ZEB1: variants seen among roughly 807,000 people sequenced by gnomAD.
The protein encoded by ZEB1 is zinc finger E-box binding homeobox 1.
ZEB1 carries 21 observed loss-of-function variants against 84.9 expected under a neutral mutation model. That is an observed-to-expected ratio of 0.25 (90% CI 0.18 to 0.36). The LOEUF (loss-of-function observed/expected upper bound fraction) is 0.36. ZEB1 is among the 10% of genes least tolerant of loss of function. The probability of loss-of-function intolerance (pLI) is 1.00; values close to 1 mark genes in which losing one functional copy is unlikely to be tolerated. For synonymous variants in ZEB1, 420 were observed against 471.1 expected, an observed-to-expected ratio of 0.89 and a Z score of 1.41; for missense variants, 1,104 against 1,330.2, an observed-to-expected ratio of 0.83 and a Z score of 2.65.
At chr10:31,349,011 A>G (rs1394105554) in intron 1 of ZEB1, among the ~76,000 whole-genome samples, 1 of 152,102 alleles carries the variant, frequency 6.6e-6, no homozygotes, top group African/African-American at 2.4e-5. Context: ...TTTACCATGG[A>G]TCTCTTGAAT....
chr10:31,354,463 T>C (rs1164473631), intron 1 of ZEB1, among the ~76,000 whole-genome samples: 1 of 152,176 alleles, frequency 6.6e-6, no homozygotes, highest in Non-Finnish European at 1.5e-5. Context: ...AAAACACTTT[T>C]CTTGGGGGAG....
chr10:31,404,235 CTT>C (rs949114754), intron 1 of ZEB1, among the ~76,000 whole-genome samples: 2 of 149,144 alleles, frequency 1.3e-5, no homozygotes, highest in Non-Finnish European at 3.0e-5. Context: ...TTTTTTAACT[CTT>C]AAAGTCTGTG....
chr10:31,443,946 T>A lies in ZEB1; in HGVS notation c.59-17091T>A, dbSNP rs1376836612. ...TATACCCAGTAATGGGATGGCTGGG[T>A]CAAATGGTATTTCTAGTTCTAGATC... On this transcript the variant is annotated intron_variant, in intron 1 of 8. Transcript: ENST00000424869. Among the ~76,000 whole-genome samples, 63 of 149,804 alleles carry A rather than the reference T, an allele frequency of 4.2e-4. No homozygotes were observed. The East Asian group carries it at 0.012, about 28-fold the overall frequency.
intron 1 of ZEB1, among the ~76,000 whole-genome samples, chr10:31,436,862 C>T (rs926314518): frequency 6.6e-6 from 1 of 151,954 alleles, no homozygotes; most frequent in Non-Finnish European, 1.5e-5. Context: ...CAAGAATGTC[C>T]ACTTCTTTCA....
upstream of ZEB1, chr10:31,319,130 C>A: frequency 1.3e-6 from 1 of 768,254 alleles, no homozygotes; most frequent in Non-Finnish European, 2.2e-6. Flanking sequence ...GTGTCGTAAA[C>A]CAGGTGCGGT....
chr10:31,525,717 C>A (rs1260330349), intron 8 of ZEB1, among the ~76,000 whole-genome samples: 1 of 152,106 alleles, frequency 6.6e-6, no homozygotes, highest in Non-Finnish European at 1.5e-5. Context: ...CTTCTTCAAT[C>A]TGTGGATTCA....
chr10:31,380,070 A>G (rs2047362354), intron 1 of ZEB1, among the ~76,000 whole-genome samples: 1 of 152,158 alleles, frequency 6.6e-6, no homozygotes, highest in Non-Finnish European at 1.5e-5. Flanking sequence ...TTCTTTCAGA[A>G]TCCAACCAAG....
chr10:31,487,377 C>T (rs945033810), intron 2 of ZEB1, among the ~76,000 whole-genome samples: 4 of 151,272 alleles, frequency 2.6e-5, no homozygotes, highest in African/African-American at 7.3e-5. Flanking sequence ...AGGAGTCTTC[C>T]AATTAATGAA....
chr10:31,443,283 A>T (rs966239822), intron 1 of ZEB1, among the ~76,000 whole-genome samples: 1 of 152,010 alleles, frequency 6.6e-6, no homozygotes, highest in African/African-American at 2.4e-5. Context: ...TATGTGTTGC[A>T]CATATTTTTC....
chr10:31,472,239 C>CA (rs1381319811), intron 2 of ZEB1, among the ~76,000 whole-genome samples: 7 of 151,722 alleles, frequency 4.6e-5, no homozygotes, highest in Non-Finnish European at 1.0e-4. Flanking sequence ...AATAGAGACA[C>CA]AAAAAACCCT....
intron 1 of ZEB1, among the ~76,000 whole-genome samples, chr10:31,400,272 G>A (rs1042762688): frequency 6.6e-6 from 1 of 152,066 alleles, no homozygotes; most frequent in Non-Finnish European, 1.5e-5. Flanking sequence ...TAATATTGAT[G>A]AATTAATAAA....
At chr10:31,500,182 A>C (rs1424466830) in intron 3 of ZEB1, among the ~76,000 whole-genome samples, 1 of 152,076 alleles carries the variant, frequency 6.6e-6, no homozygotes, top group Non-Finnish European at 1.5e-5. Flanking sequence ...GAAATCACAT[A>C]AAATATTAAT....
intron 4 of ZEB1, among the ~76,000 whole-genome samples, chr10:31,503,873 T>A (rs185930130): frequency 5.1e-4 from 77 of 152,258 alleles, no homozygotes; most frequent in African/African-American, 1.8e-3. Flanking sequence ...TTTTAAGAAA[T>A]GTTTATTCAT....
chr10:31,481,779 G>A (rs756226611), intron 2 of ZEB1, among the ~76,000 whole-genome samples: 2 of 151,858 alleles, frequency 1.3e-5, no homozygotes, highest in African/African-American at 2.4e-5. Context: ...AATAATGATA[G>A]CATTATTATA....
At chr10:31,490,427 T>C (rs2066370173) in intron 2 of ZEB1, among the ~76,000 whole-genome samples, 1 of 151,742 alleles carries the variant, frequency 6.6e-6, no homozygotes, top group Non-Finnish European at 1.5e-5. Context: ...TGATGTACTG[T>C]CAAGTTCACC....
chr10:31,363,611 G>T, intron 1 of ZEB1: 1 of 1,516,274 alleles, frequency 6.6e-7, no homozygotes, highest in African/African-American at 1.4e-5. Context: ...TCCGTCTTCG[G>T]GAGCCTGGCT....
At chr10:31,431,472 A>G (rs1342014599) in intron 1 of ZEB1, among the ~76,000 whole-genome samples, 1 of 152,194 alleles carries the variant, frequency 6.6e-6, no homozygotes, top group African/African-American at 2.4e-5. Context: ...TACATCCCAG[A>G]GTATGTTGCA....
At chr10:31,324,649 A>G (rs2035052927) in intron 1 of ZEB1, among the ~76,000 whole-genome samples, 1 of 152,068 alleles carries the variant, frequency 6.6e-6, no homozygotes, top group Non-Finnish European at 1.5e-5. Context: ...TACAGTCACT[A>G]ATTTATGTGG....
chr10:31,451,863 A>C (rs1280768114), intron 1 of ZEB1, among the ~76,000 whole-genome samples: 1 of 152,186 alleles, frequency 6.6e-6, no homozygotes, highest in Non-Finnish European at 1.5e-5. Context: ...ACAAGAACTG[A>C]GAGAGTAACA....
Sources: gnomAD v4.1 joint callset for allele counts (sites outside exome capture counted in the v4.1 genomes callset) on GRCh38, gnomAD v4.1.1 for gene constraint, MANE v1.5 for transcripts, NCBI Gene and HGNC (gene_info 2026-07-23, HGNC 2026-07-21) for gene names.